Variants in SPOCK1 observed in about 807,000 individuals in gnomAD.
SPOCK1 encodes the protein testican-1.
SPOCK1 carries 23 observed loss-of-function variants against 55.3 expected under a neutral mutation model. That is an observed-to-expected ratio of 0.42 (90% CI 0.30 to 0.59). SPOCK1 has a LOEUF of 0.59. SPOCK1 is among the 20% of genes least tolerant of loss of function. The probability of loss-of-function intolerance (pLI) is 0.22; values close to 1 mark genes in which losing one functional copy is unlikely to be tolerated. For missense variants in SPOCK1, 499 were observed against 552.5 expected (o/e 0.90, Z 0.97); for synonymous variants, 226 against 221.0 (o/e 1.02, Z -0.20).
intron 2 of SPOCK1, among the ~76,000 whole-genome samples, chr5:137,470,592 C>A (rs1331161375): frequency 6.6e-6 from 1 of 152,172 alleles, no homozygotes; most frequent in Non-Finnish European, 1.5e-5. Flanking sequence ...CAACCATCTC[C>A]AAGTGTAGTC....
chr5:137,106,030 AG>A (rs1283140645), intron 5 of SPOCK1, among the ~76,000 whole-genome samples: 1 of 152,168 alleles, frequency 6.6e-6, no homozygotes, highest in Non-Finnish European at 1.5e-5. Flanking sequence ...GTGAGCAGTC[AG>A]CCCTGACATC....
chr5:137,421,608 T>G (rs1049578677), intron 2 of SPOCK1, among the ~76,000 whole-genome samples: 1 of 152,192 alleles, frequency 6.6e-6, no homozygotes, highest in Non-Finnish European at 1.5e-5. Flanking sequence ...TATCAGAGAC[T>G]AGGATTGCAA....
chr5:137,325,500 T>C (rs1486573735), intron 2 of SPOCK1, among the ~76,000 whole-genome samples: 1 of 152,194 alleles, frequency 6.6e-6, no homozygotes, highest in Non-Finnish European at 1.5e-5. Context: ...GCGTACATGC[T>C]TCCTAAAAAC....
chr5:137,492,407 T>A (rs564715578), intron 2 of SPOCK1, among the ~76,000 whole-genome samples: 1 of 152,254 alleles, frequency 6.6e-6, no homozygotes, highest in African/African-American at 2.4e-5. Flanking sequence ...AAAACCAACA[T>A]AGGAGCAGGG....
In SPOCK1 at chr5:137,421,189, C is replaced by T. The variant is rs530425728; in HGVS notation, c.186+77184G>A. The stretch of plus-strand genomic sequence containing the variant: ...GTTTGTTATAATTTCTGTTCTTTTA[C>T]ATTTGCTGAGGAGTGTTTTACTTCC... On this transcript the variant is annotated intron_variant, in intron 2 of 10. Coordinates refer to ENST00000394945, the MANE Select transcript of SPOCK1 (RefSeq NM_004598.4). Among the ~76,000 whole-genome samples the T allele has an allele frequency of 3.8e-3, 578 of 152,294 alleles. 1 individual carries two copies. The highest frequency in any genetic ancestry group is 0.017 in the Middle Eastern group (5 of 294).
intron 2 of SPOCK1, among the ~76,000 whole-genome samples, chr5:137,370,023 C>T (rs1305517498): frequency 1.3e-5 from 2 of 152,158 alleles, no homozygotes; most frequent in Non-Finnish European, 2.9e-5. Context: ...CCCACAGGTA[C>T]ACCTCCTTAT....
At chr5:137,460,557 T>C (rs1035869273) in intron 2 of SPOCK1, among the ~76,000 whole-genome samples, 1 of 152,234 alleles carries the variant, frequency 6.6e-6, no homozygotes, top group African/African-American at 2.4e-5. Context: ...GGCTCCAGGA[T>C]GAATATTGGA....
intron 2 of SPOCK1, among the ~76,000 whole-genome samples, chr5:137,305,257 G>T (rs1757682456): frequency 6.6e-6 from 1 of 152,140 alleles, no homozygotes; most frequent in African/African-American, 2.4e-5. Context: ...GCCACCCTGG[G>T]TGTTTGCCTG....
intron 6 of SPOCK1, among the ~76,000 whole-genome samples, chr5:137,050,426 T>C (rs1423763659): frequency 6.7e-6 from 1 of 148,524 alleles, no homozygotes; most frequent in Non-Finnish European, 1.5e-5. Context: ...GTCACCCCTT[T>C]CTTTGACTCG....
At chr5:137,073,432 G>C (rs1752654917) in intron 5 of SPOCK1, among the ~76,000 whole-genome samples, 1 of 152,182 alleles carries the variant, frequency 6.6e-6, no homozygotes, top group African/African-American at 2.4e-5. Flanking sequence ...AAAGGCCCAG[G>C]GTAGAAGATT....
At chr5:137,018,429 T>A (rs952691203) in intron 6 of SPOCK1, among the ~76,000 whole-genome samples, 4 of 152,212 alleles carry the variant, frequency 2.6e-5, no homozygotes, top group African/African-American at 9.7e-5. Flanking sequence ...ATAGTTGTAA[T>A]TTGCTGAAGC....
At chr5:137,462,167 C>G (rs1017378181) in intron 2 of SPOCK1, among the ~76,000 whole-genome samples, 3 of 152,240 alleles carry the variant, frequency 2.0e-5, no homozygotes, top group Admixed American at 2.0e-4. Context: ...GAGGCCACAT[C>G]TGGGCAAACC....
intron 6 of SPOCK1, among the ~76,000 whole-genome samples, chr5:137,024,609 TA>T (rs199966891): frequency 0.017 from 2,191 of 132,228 alleles, 11 homozygotes; most frequent in African/African-American, 0.018. Context: ...ATCTGACATG[TA>T]AAAAAAAAAA....
intron 3 of SPOCK1, among the ~76,000 whole-genome samples, chr5:137,147,305 A>T (rs745973023): frequency 5.3e-5 from 8 of 152,240 alleles, no homozygotes; most frequent in Admixed American, 6.5e-5. Flanking sequence ...AAGTGAACAT[A>T]TTAGGCAAAA....
intron 2 of SPOCK1, among the ~76,000 whole-genome samples, chr5:137,421,814 T>G (rs1752503647): frequency 6.6e-6 from 1 of 152,214 alleles, no homozygotes; most frequent in Non-Finnish European, 1.5e-5. Context: ...GTTAATATTG[T>G]TATGTGTGAA....
intron 2 of SPOCK1, among the ~76,000 whole-genome samples, chr5:137,321,272 G>A (rs1375879076): frequency 6.6e-6 from 1 of 150,416 alleles, no homozygotes; most frequent in Non-Finnish European, 1.5e-5. Flanking sequence ...GTATATTATA[G>A]GTATTCCAGA....
rs137929431 is a variant in SPOCK1 at position 137,362,490 on chromosome 5, C to T, written c.187-95435G>A. Among the ~76,000 whole-genome samples, 216 of 152,036 alleles carry T rather than the reference C, an allele frequency of 1.4e-3. 5 individuals are homozygous for T. The East Asian group carries it at 0.039, about 28-fold the overall frequency. On this transcript the variant is annotated intron_variant, in intron 2 of 10. Coordinates refer to ENST00000394945, the MANE Select transcript of SPOCK1 (RefSeq NM_004598.4). The stretch of plus-strand genomic sequence containing the variant: ...AACTACAGGCGCCCGCCACCACGCC[C>T]GGCTAATTTCTTTTTTTTTAGTAGA...
chr5:137,078,067 G>T (rs936143938), intron 5 of SPOCK1, among the ~76,000 whole-genome samples: 6 of 152,146 alleles, frequency 3.9e-5, no homozygotes, highest in African/African-American at 1.4e-4. Flanking sequence ...GAAGAAAAGA[G>T]AGAAGAAATA....
At chr5:137,264,893 T>C (rs1253071769) in intron 3 of SPOCK1, among the ~76,000 whole-genome samples, 2 of 152,186 alleles carry the variant, frequency 1.3e-5, no homozygotes, top group African/African-American at 2.4e-5. Context: ...CATGGTTCTG[T>C]ATATAAATAG....
Sources: allele counts gnomAD v4.1 joint callset (sites outside exome capture counted in the v4.1 genomes callset), GRCh38; gene constraint gnomAD v4.1.1; transcripts MANE v1.5; gene names NCBI Gene and HGNC (gene_info 2026-07-23, HGNC 2026-07-21).